PRKCI: variants seen among roughly 807,000 people sequenced by gnomAD.
The protein encoded by PRKCI is protein kinase C iota, also known as protein kinase C iota type.
A neutral mutation model predicts 84.0 loss-of-function variants in PRKCI; 43 were observed. The ratio of observed to expected loss-of-function variants is 0.51; its 90% CI spans 0.40 to 0.66. PRKCI has a LOEUF of 0.66. Ranked by LOEUF, PRKCI falls within the 30% of genes least tolerant of loss-of-function variation. The probability of loss-of-function intolerance (pLI) is 0.00; values close to 1 mark genes in which losing one functional copy is unlikely to be tolerated. For missense variants in PRKCI, 459 were observed against 745.6 expected (o/e 0.62, Z 4.48); for synonymous variants, 216 against 234.4 (o/e 0.92, Z 0.72).
intron 2 of PRKCI, among the ~76,000 whole-genome samples, chr3:170,247,053 T>TCTC (rs10687686): frequency 0.22 from 33,525 of 151,830 alleles, 3,855 homozygotes; most frequent in African/African-American, 0.28. Flanking sequence ...AAGCATCTCT[T>TCTC]TGGCTGCTTT....
At chr3:170,269,898 C>T (rs1046297753) in intron 5 of PRKCI, among the ~76,000 whole-genome samples, 9 of 151,340 alleles carry the variant, frequency 5.9e-5, no homozygotes, top group African/African-American at 2.2e-4. Flanking sequence ...GCGGAGGTTG[C>T]GGTAAGCTGA....
In PRKCI at chr3:170,280,245, A is replaced by G; in HGVS notation, c.724A>G (p.Ser242Gly). ...EEKEAMNTRE[S>G]GKASSSLGLQ... ...TCAACAGGCAATGAACACCAGGGAA[A>G]GTGGCAAAGCTTCATCCAGTCTAGG... Residue 242 changes from serine to glycine, a missense_variant, in exon 9 of 18, where the codon AGT becomes GGT. By Grantham distance (56) the Ser-to-Gly change is moderately conservative. Around this residue, in one of 2 missense-constraint regions of PRKCI, gnomAD observed 250 missense variants for 319.7 expected, o/e 0.78. Coordinates refer to ENST00000295797, the MANE Select transcript of PRKCI (RefSeq NM_002740.6). 6.2e-7 allele frequency: 1 copy of G among 1,611,118 alleles called. No individual in the cohort carries two copies. The highest frequency in any genetic ancestry group is 1.3e-5 in the African/African-American group (1 of 74,924).
intron 3 of PRKCI, among the ~76,000 whole-genome samples, chr3:170,261,070 C>T (rs1000123876): frequency 2.6e-5 from 4 of 151,992 alleles, no homozygotes; most frequent in African/African-American, 4.8e-5. Flanking sequence ...GATCCTCCCA[C>T]CTCAGCCTCC....
At chr3:170,231,153 G>GT (rs1462773498) in intron 1 of PRKCI, among the ~76,000 whole-genome samples, 1 of 151,666 alleles carries the variant, frequency 6.6e-6, no homozygotes, top group African/African-American at 2.4e-5. Flanking sequence ...TGAAAATGGG[G>GT]TTTCACCATG....
intron 9 of PRKCI, 82 bp downstream of exon 9, chr3:170,280,485 T>C: frequency 1.5e-6 from 2 of 1,324,570 alleles, no homozygotes; most frequent in Non-Finnish European, 2.0e-6. Flanking sequence ...TTCGCTCTTG[T>C]CACCCAGCCT....
intron 15 of PRKCI, among the ~76,000 whole-genome samples, chr3:170,296,617 TAGATA>T (rs967368688): frequency 1.8e-4 from 28 of 152,248 alleles, no homozygotes; most frequent in African/African-American, 5.8e-4. Context: ...CTAAGGTAAA[TAGATA>T]AGATAATGAG....
chr3:170,252,290 A>G (rs1733471725), intron 2 of PRKCI, among the ~76,000 whole-genome samples: 1 of 150,310 alleles, frequency 6.7e-6, no homozygotes, highest in African/African-American at 2.4e-5. Flanking sequence ...TTTGGAGGAC[A>G]GTTGGAAATA....
At chr3:170,266,090 C>A (rs1273585339) in intron 4 of PRKCI, among the ~76,000 whole-genome samples, 1 of 151,922 alleles carries the variant, frequency 6.6e-6, no homozygotes, top group Admixed American at 6.6e-5. Context: ...ACTGTTATTA[C>A]CATTACTGTG....
intron 12 of PRKCI, among the ~76,000 whole-genome samples, chr3:170,286,459 G>A (rs1001084454): frequency 2.1e-5 from 3 of 143,132 alleles, no homozygotes; most frequent in African/African-American, 7.7e-5. Flanking sequence ...CCCTTCATAC[G>A]AAGTGCACAA....
intron 12 of PRKCI, among the ~76,000 whole-genome samples, chr3:170,285,359 G>A (rs1241013267): frequency 3.9e-5 from 6 of 152,142 alleles, no homozygotes; most frequent in African/African-American, 7.2e-5. Context: ...GATTACAGGC[G>A]TGAGCCATCG....
intron 4 of PRKCI, among the ~76,000 whole-genome samples, chr3:170,267,528 C>T (rs9883406): frequency 0.081 from 12,270 of 151,842 alleles, 1,181 homozygotes; most frequent in African/African-American, 0.23. Context: ...ACAAAATTAG[C>T]TGAGCATGGT....
intron 1 of PRKCI, among the ~76,000 whole-genome samples, chr3:170,224,962 A>G (rs1732591090): frequency 6.6e-6 from 1 of 152,228 alleles, no homozygotes; most frequent in African/African-American, 2.4e-5. Flanking sequence ...AATGAAAATC[A>G]TTGTAAACTC....
intron 13 of PRKCI, 98 bp from the exon 14 acceptor site, chr3:170,293,285 T>G: frequency 7.9e-7 from 1 of 1,258,286 alleles, no homozygotes; most frequent in Non-Finnish European, 1.1e-6. Flanking sequence ...AGTTTACTTT[T>G]TCATTGTTTC....
intron 17 of PRKCI, among the ~76,000 whole-genome samples, chr3:170,302,174 A>G (rs1294875781): frequency 1.3e-5 from 2 of 152,148 alleles, no homozygotes; most frequent in Non-Finnish European, 2.9e-5. Flanking sequence ...ATTTTTCTTC[A>G]GCATCATCTA....
intron 2 of PRKCI, among the ~76,000 whole-genome samples, chr3:170,252,756 GT>G (rs941032330): frequency 6.6e-6 from 1 of 151,872 alleles, no homozygotes; most frequent in African/African-American, 2.4e-5. Flanking sequence ...ATTCCTGGCT[GT>G]TTTTTAAAAT....
At chr3:170,287,324 A>AATAT (rs67743862) in intron 12 of PRKCI, among the ~76,000 whole-genome samples, 6 of 149,920 alleles carry the variant, frequency 4.0e-5, no homozygotes, top group African/African-American at 1.2e-4. Flanking sequence ...TCCTATCTAA[A>AATAT]ATATATATAT....
intron 12 of PRKCI, among the ~76,000 whole-genome samples, chr3:170,289,617 T>TA (rs1309641856): frequency 6.6e-6 from 1 of 151,786 alleles, no homozygotes; most frequent in Non-Finnish European, 1.5e-5. Flanking sequence ...CTACTAAAAA[T>TA]ACAAAAAGCC....
intron 2 of PRKCI, among the ~76,000 whole-genome samples, chr3:170,248,802 G>T (rs1158012776): frequency 6.6e-6 from 1 of 151,840 alleles, no homozygotes; most frequent in African/African-American, 2.4e-5. Context: ...ATAAAAAGAT[G>T]ATGTACAGCA....
At chr3:170,253,097 C>G (rs1733494649) in intron 2 of PRKCI, among the ~76,000 whole-genome samples, 1 of 152,162 alleles carries the variant, frequency 6.6e-6, no homozygotes, top group South Asian at 2.1e-4. Flanking sequence ...TATTGCTAGA[C>G]ACTTAAGTTG....
Sources: allele counts gnomAD v4.1 joint callset (sites outside exome capture counted in the v4.1 genomes callset), GRCh38; gene constraint gnomAD v4.1.1; regional missense constraint gnomAD v4.1.1; transcripts MANE v1.5; gene names NCBI Gene and HGNC (gene_info 2026-07-23, HGNC 2026-07-21).